ERAP2: variants seen among roughly 807,000 people sequenced by gnomAD.
ERAP2 encodes endoplasmic reticulum aminopeptidase 2, also known as leukocyte-derived arginine aminopeptidase.
Under a neutral mutation model 111.1 loss-of-function variants are expected in ERAP2, and 118 were observed. The observed-to-expected ratio is 1.06, with a 90% CI of 0.92 to 1.24. ERAP2 has a LOEUF of 1.24. ERAP2 is among the 50% of genes most tolerant of loss of function. The pLI, the probability that ERAP2 is intolerant of heterozygous loss-of-function variation, is 0.00. For missense variants in ERAP2, 1,131 were observed against 1,125.8 expected, an observed-to-expected ratio of 1.00 and a Z score of -0.07; for synonymous variants, 410 against 401.2, an observed-to-expected ratio of 1.02 and a Z score of -0.26.
At chr5:96,904,839 T>C (rs1440346839) in intron 13 of ERAP2, among the ~76,000 whole-genome samples, 1 of 152,212 alleles carries the variant, frequency 6.6e-6, no homozygotes, top group Non-Finnish European at 1.5e-5. Flanking sequence ...CAGTTATTGA[T>C]GCATTGGTGG....
rs182928655 is a variant in ERAP2 at position 96,905,508 on chromosome 5, A to G, written c.2012+1948A>G. On this transcript the variant is annotated intron_variant, in intron 13 of 18. Transcript: ENST00000437043. ...AAACAATTTAAAGCTCTCATAATAG[A>G]TAAAAATAAATAATTTTTACTTGCT... 3.9e-5 allele frequency among the ~76,000 whole-genome samples: 6 copies of G among 152,340 alleles called. No individual in the cohort carries two copies. In the East Asian group the frequency reaches 1.2e-3, roughly 29 times the overall value.
chr5:96,896,254 C>A (rs1445025064), intron 7 of ERAP2, 119 bp from the exon 8 acceptor site: 10 of 770,652 alleles, frequency 1.3e-5, no homozygotes, highest in Non-Finnish European at 1.8e-5. Flanking sequence ...AGAAACATCT[C>A]CCAAGAAATA....
intron 13 of ERAP2, among the ~76,000 whole-genome samples, chr5:96,905,740 C>A (rs900698681): frequency 6.6e-6 from 1 of 151,846 alleles, no homozygotes; most frequent in African/African-American, 2.4e-5. Context: ...AAAAATTAGC[C>A]CAGTGTGGTG....
At chr5:96,898,601 G>C (rs1242567710) in intron 9 of ERAP2, among the ~76,000 whole-genome samples, 3 of 133,160 alleles carry the variant, frequency 2.3e-5, no homozygotes, top group African/African-American at 8.4e-5. Flanking sequence ...AATTAGCCAG[G>C]TCTGGTGGAT....
intron 17 of ERAP2, among the ~76,000 whole-genome samples, chr5:96,914,374 C>T (rs889594761): frequency 6.6e-6 from 1 of 152,180 alleles, no homozygotes; most frequent in Non-Finnish European, 1.5e-5. Context: ...CACAGCTTTG[C>T]GTAAGCAAAA....
intron 15 of ERAP2, chr5:96,910,285 TC>T (rs1786579946): frequency 6.6e-6 from 1 of 152,000 alleles, no homozygotes; most frequent in Admixed American, 6.6e-5. Flanking sequence ...AAAAAACTTT[TC>T]CTGTGCCAAA....
intron 6 of ERAP2, among the ~76,000 whole-genome samples, chr5:96,894,044 T>C (rs1467506089): frequency 6.6e-6 from 1 of 152,212 alleles, no homozygotes; most frequent in Admixed American, 6.5e-5. Flanking sequence ...GGCAAAGACA[T>C]TGATCTTAGC....
At chr5:96,883,998 A>T (rs1221898131) in intron 3 of ERAP2, 68 bp downstream of exon 3, 16 of 1,446,500 alleles carry the variant, frequency 1.1e-5, no homozygotes, top group Non-Finnish European at 1.5e-5. Flanking sequence ...TTTGTTTTTT[A>T]AAATTGCTTT....
chr5:96,892,122 G>A (rs540692322), intron 5 of ERAP2, among the ~76,000 whole-genome samples, 177 bp from the exon 6 acceptor site: 1 of 152,052 alleles, frequency 6.6e-6, no homozygotes, highest in Non-Finnish European at 1.5e-5. Flanking sequence ...TTGATAATGG[G>A]CACTGATTAT....
In ERAP2 at chr5:96,879,889, G is replaced by T. The variant is rs202185665; in HGVS notation, c.204G>T (p.Arg68Ser). The change falls in exon 2 of 19, where the codon AGG (arginine) becomes AGT (serine). Residue 68 changes from arginine (R) to serine (S), a missense_variant. Transcript: ENST00000437043. ...NGERFPWQELRLPSVVIPLHY... is the reference protein window; with the variant it reads ...NGERFPWQELSLPSVVIPLHY... ...AACGATTTCCTTGGCAGGAGCTAAG[G>T]CTCCCCAGTGTGGTCATTCCTCTCC... The T allele has an allele frequency of 3.1e-6, 5 of 1,614,002 alleles. No individual in the cohort carries two copies. The highest frequency in any genetic ancestry group is 1.7e-5 in the Admixed American group (1 of 59,982).
intron 9 of ERAP2, among the ~76,000 whole-genome samples, chr5:96,898,019 A>G (rs1436679089): frequency 6.6e-6 from 1 of 152,184 alleles, no homozygotes; most frequent in East Asian, 1.9e-4. Flanking sequence ...CAATTCGTGG[A>G]ACCCCGTCTG....
chr5:96,886,009 C>T (rs1014102949), intron 3 of ERAP2, among the ~76,000 whole-genome samples: 1 of 152,216 alleles, frequency 6.6e-6, no homozygotes, highest in Admixed American at 6.5e-5. Flanking sequence ...TAAAATAAGA[C>T]CATGACTCAA....
chr5:96,898,570 T>C (rs374642120), intron 9 of ERAP2, among the ~76,000 whole-genome samples: 1 of 23,290 alleles, frequency 4.3e-5, no homozygotes, highest in African/African-American at 2.0e-4. Context: ...TCTACTAAAA[T>C]ACAAAAAAAA....
intron 15 of ERAP2, among the ~76,000 whole-genome samples, chr5:96,911,551 G>T (rs1044767981): frequency 1.3e-5 from 2 of 151,890 alleles, no homozygotes; most frequent in Non-Finnish European, 2.9e-5. Context: ...AGACTCTCTA[G>T]GCCTAGAGAG....
chr5:96,913,701 A>G (rs1001135244), intron 17 of ERAP2, among the ~76,000 whole-genome samples: 4 of 152,244 alleles, frequency 2.6e-5, no homozygotes, highest in African/African-American at 9.6e-5. Flanking sequence ...AACCACTGGC[A>G]TCAAGTCCGA....
intron 2 of ERAP2, among the ~76,000 whole-genome samples, chr5:96,882,177 G>A (rs1428556096): frequency 6.6e-6 from 1 of 152,080 alleles, no homozygotes; most frequent in Admixed American, 6.6e-5. Context: ...GCACAGTATT[G>A]GATAGGAAAA....
chr5:96,896,709 A>G (rs1024406795), intron 8 of ERAP2, 23 bp from the exon 9 acceptor site: 1 of 1,548,476 alleles, frequency 6.5e-7, no homozygotes. Flanking sequence ...CTCTTTTTTC[A>G]ACTCTTTTGT....
At chr5:96,906,631 G>A (rs1325882314) in intron 13 of ERAP2, among the ~76,000 whole-genome samples, 1 of 152,198 alleles carries the variant, frequency 6.6e-6, no homozygotes, top group African/African-American at 2.4e-5. Flanking sequence ...CATTTTAAAT[G>A]TAATTTAAAG....
chr5:96,897,413 C>T (rs561427286), intron 9 of ERAP2, among the ~76,000 whole-genome samples: 19 of 152,290 alleles, frequency 1.2e-4, no homozygotes, highest in Middle Eastern at 6.8e-3. Context: ...TGTTCCAGCC[C>T]TCATTCGTTT....
Sources: gnomAD v4.1 joint callset for allele counts (sites outside exome capture counted in the v4.1 genomes callset) on GRCh38, gnomAD v4.1.1 for gene constraint, MANE v1.5 for transcripts, NCBI Gene and HGNC (gene_info 2026-07-23, HGNC 2026-07-21) for gene names.